EML6: variants seen among roughly 807,000 people sequenced by gnomAD.
EML6 encodes the protein echinoderm microtubule-associated protein-like 6.
Under a neutral mutation model 240.1 loss-of-function variants are expected in EML6, and 154 were observed. The observed-to-expected ratio is 0.64, with a 90% confidence interval of 0.56 to 0.73. The LOEUF is 0.73. EML6 is among the 30% of genes least tolerant of loss of function. The pLI is 0.00. For synonymous variants in EML6, 1,148 were observed against 899.0 expected (o/e 1.28, Z -4.95); for missense variants, 2,964 against 2,474.6 (o/e 1.20, Z -4.20).
At chr2:54,846,501 T>G (rs1316039324) in intron 8 of EML6, among the ~76,000 whole-genome samples, 2 of 110,692 alleles carry the variant, frequency 1.8e-5, no homozygotes, top group Non-Finnish European at 3.8e-5. Flanking sequence ...TTTTTTTTTT[T>G]GAGACAGGGC....
chr2:54,725,035 GC>G lies in EML6; in HGVS notation c.-26del. On this transcript the variant is annotated 5_prime_UTR_variant, in exon 2 of 42. Coordinates refer to ENST00000356458, the MANE Select transcript of EML6 (RefSeq NM_001039753.4). The surrounding 1 kb of genome is among the most constrained non-coding windows in gnomAD (Gnocchi z 4.3). ...GAGGACGGCCCCGGCGCGCGGGGGG[GC>G]GGGGGGCGCGCGGGGTCGGCTTATC... The G allele has an allele frequency of 6.7e-7, 1 of 1,488,864 alleles. No individual in the cohort carries two copies. Among genetic ancestry groups the G allele is most frequent in the Non-Finnish European group, 8.9e-7 (1 of 1,119,498 alleles). 92.2% of individuals were successfully genotyped at this position (1,488,864 alleles called of 1,614,324 possible).
At chr2:54,886,027 T>G (rs1037376146) in intron 17 of EML6, among the ~76,000 whole-genome samples, 1 of 152,130 alleles carries the variant, frequency 6.6e-6, no homozygotes, top group African/African-American at 2.4e-5. Context: ...TTCTTTTTAT[T>G]GTGGAAAATT....
At chr2:54,917,974 T>C (rs1674019282) in intron 26 of EML6, among the ~76,000 whole-genome samples, 1 of 152,236 alleles carries the variant, frequency 6.6e-6, no homozygotes, top group Admixed American at 6.5e-5. Flanking sequence ...AGTTTTACAC[T>C]TGTGTTAAAT....
chr2:54,949,899 C>T (rs773328554), intron 29 of EML6, among the ~76,000 whole-genome samples: 1 of 152,208 alleles, frequency 6.6e-6, no homozygotes, highest in Non-Finnish European at 1.5e-5. Context: ...CTCCCAGTAC[C>T]CTGGTCTTTC....
chr2:54,745,490 A>G (rs1477784151), intron 2 of EML6, among the ~76,000 whole-genome samples: 1 of 152,202 alleles, frequency 6.6e-6, no homozygotes, highest in African/African-American at 2.4e-5. Context: ...CAAGACCTTA[A>G]GACAGGCCAA....
intron 7 of EML6, among the ~76,000 whole-genome samples, chr2:54,839,118 C>T (rs960688835): frequency 6.6e-6 from 1 of 152,164 alleles, no homozygotes; most frequent in Non-Finnish European, 1.5e-5. Flanking sequence ...GGGTTTGTGT[C>T]AGAAGTAGAA....
chr2:54,757,974 A>G (rs563123215), intron 2 of EML6, among the ~76,000 whole-genome samples: 1 of 149,304 alleles, frequency 6.7e-6, no homozygotes, highest in Non-Finnish European at 1.5e-5. Context: ...TTTTAAAATA[A>G]CTCCCTATCT....
At chr2:54,727,189 G>GGTGA (rs1205504347) in intron 2 of EML6, among the ~76,000 whole-genome samples, 135 of 150,720 alleles carry the variant, frequency 9.0e-4, no homozygotes, top group Admixed American at 2.6e-3. Flanking sequence ...AAGGGAAAAA[G>GGTGA]AGACAGTTAG....
intron 17 of EML6, among the ~76,000 whole-genome samples, chr2:54,888,489 C>A (rs1006056558): frequency 5.9e-5 from 9 of 152,152 alleles, no homozygotes; most frequent in African/African-American, 2.2e-4. Context: ...CCTAAAAGTT[C>A]TTTGTGTTCT....
At chr2:54,816,927 G>C (rs1185895569) in intron 4 of EML6, 42 bp downstream of exon 4, 2 of 1,277,996 alleles carry the variant, frequency 1.6e-6, no homozygotes, top group Admixed American at 2.0e-5. Flanking sequence ...TTCAGAACTT[G>C]GGGGGACTTG....
chr2:54,730,335 A>G (rs1683099148), intron 2 of EML6, among the ~76,000 whole-genome samples: 1 of 152,162 alleles, frequency 6.6e-6, no homozygotes, highest in Non-Finnish European at 1.5e-5. Context: ...AACAGCCATG[A>G]TTGGGCCTGG....
intron 7 of EML6, among the ~76,000 whole-genome samples, chr2:54,837,705 G>C (rs1275071511): frequency 2.6e-5 from 4 of 151,900 alleles, no homozygotes; most frequent in African/African-American, 9.7e-5. Context: ...TGACATGCAA[G>C]AACACACTAG....
chr2:54,871,264 G>T (rs1307563965), intron 15 of EML6, among the ~76,000 whole-genome samples: 1 of 152,174 alleles, frequency 6.6e-6, no homozygotes, highest in Non-Finnish European at 1.5e-5. Flanking sequence ...AAAGGCCCAG[G>T]CATCAGGTTA....
At chr2:54,855,214 T>C (rs1670307607) in intron 11 of EML6, among the ~76,000 whole-genome samples, 1 of 152,138 alleles carries the variant, frequency 6.6e-6, no homozygotes, top group Non-Finnish European at 1.5e-5. Flanking sequence ...GGAAGTATGA[T>C]GCTAGCATTT....
rs1682872767 is a variant in EML6 at position 54,725,535 on chromosome 2, C to A, written c.197+277C>A. On this transcript the variant is annotated intron_variant, in intron 2 of 41. Transcript: ENST00000356458. This position sits in a 1 kb window ranked among gnomAD's most constrained non-coding sequence, Gnocchi z 4.3. Reference sequence around the variant, plus strand: ...AGTGTTCTGATGCTTTCTTGCTGTTCTTTCCTGCTACAAGTGGAAGGAGCC... The same window carrying A: ...AGTGTTCTGATGCTTTCTTGCTGTTATTTCCTGCTACAAGTGGAAGGAGCC... 6.6e-6 allele frequency among the ~76,000 whole-genome samples: 1 copy of A among 152,206 alleles called. No individual in the cohort carries two copies. Among genetic ancestry groups the A allele is most frequent in the African/African-American group, 2.4e-5 (1 of 41,446 alleles).
intron 2 of EML6, among the ~76,000 whole-genome samples, chr2:54,757,228 T>C (rs1667773319): frequency 6.6e-6 from 1 of 152,138 alleles, no homozygotes; most frequent in Non-Finnish European, 1.5e-5. Flanking sequence ...AACTTTTAGG[T>C]TCAAGGCTTT....
intron 28 of EML6, among the ~76,000 whole-genome samples, chr2:54,940,570 G>A (rs1292518503): frequency 6.6e-6 from 1 of 152,208 alleles, no homozygotes; most frequent in Non-Finnish European, 1.5e-5. Flanking sequence ...TTAATACACA[G>A]CAAACAAATA....
chr2:54,915,025 A>G (rs1673836183), intron 25 of EML6, among the ~76,000 whole-genome samples: 1 of 152,166 alleles, frequency 6.6e-6, no homozygotes, highest in African/African-American at 2.4e-5. Flanking sequence ...CCTTTGCAAA[A>G]TGATAACATG....
chr2:54,753,460 G>T (rs1684262444), intron 2 of EML6, among the ~76,000 whole-genome samples: 1 of 152,154 alleles, frequency 6.6e-6, no homozygotes, highest in Admixed American at 6.5e-5. Context: ...GTCCTTATAA[G>T]TGAGAGTGAC....
Sources: allele counts gnomAD v4.1 joint callset (sites outside exome capture counted in the v4.1 genomes callset), GRCh38; gene constraint gnomAD v4.1.1; non-coding constraint Gnocchi (gnomAD v3.1); transcripts MANE v1.5; gene names NCBI Gene and HGNC (gene_info 2026-07-23, HGNC 2026-07-21).